The following MINDY4 variants were observed in gnomAD, a reference collection of about 807,000 sequenced individuals.
MINDY4 encodes probable ubiquitin carboxyl-terminal hydrolase MINDY-4.
In MINDY4, 68 loss-of-function variants were observed where a neutral mutation model predicts 87.0. The ratio of observed to expected loss-of-function variants is 0.78; its 90% confidence interval spans 0.64 to 0.96. The LOEUF (loss-of-function observed/expected upper bound fraction) is 0.96. MINDY4 is among the 40% of genes least tolerant of loss of function. The pLI is 0.00. For synonymous variants in MINDY4, 379 were observed against 363.2 expected, an observed-to-expected ratio of 1.04 and a Z score of -0.50; for missense variants, 919 against 928.2, an observed-to-expected ratio of 0.99 and a Z score of 0.13.
chr7:30,817,746 G>T (rs1686656080), intron 5 of MINDY4, among the ~76,000 whole-genome samples: 1 of 152,204 alleles, frequency 6.6e-6, no homozygotes, highest in Non-Finnish European at 1.5e-5. Context: ...CTGTTGCCAG[G>T]TGATGCCAGT....
chr7:30,883,238 G>C (rs1790526581), intron 17 of MINDY4, among the ~76,000 whole-genome samples: 1 of 152,218 alleles, frequency 6.6e-6, no homozygotes, highest in Admixed American at 6.5e-5. Flanking sequence ...ATGGTTGGGG[G>C]TGGGGGCTAA....
At chr7:30,800,350 T>G (rs1787609833) in intron 5 of MINDY4, among the ~76,000 whole-genome samples, 1 of 152,202 alleles carries the variant, frequency 6.6e-6, no homozygotes, top group African/African-American at 2.4e-5. Flanking sequence ...CGAAACTGTT[T>G]CCAGGCTCAG....
At chr7:30,885,915 G>C (rs1239316789) in intron 17 of MINDY4, among the ~76,000 whole-genome samples, 1 of 152,170 alleles carries the variant, frequency 6.6e-6, no homozygotes, top group African/African-American at 2.4e-5. Context: ...CCCCATCATG[G>C]TGGGTCCACC....
intron 10 of MINDY4, among the ~76,000 whole-genome samples, 158 bp downstream of exon 10, chr7:30,850,713 C>T (rs12671536): frequency 0.023 from 3,572 of 152,268 alleles, 102 homozygotes; most frequent in East Asian, 0.11. Context: ...GCTGAGCAGC[C>T]GCAGACTCAG....
At chr7:30,848,297 G>A (rs905992827) in intron 9 of MINDY4, among the ~76,000 whole-genome samples, 4 of 152,368 alleles carry the variant, frequency 2.6e-5, no homozygotes, top group Non-Finnish European at 5.9e-5. Flanking sequence ...ATGTGCAATG[G>A]TGATTGGACG....
chr7:30,835,606 G>A (rs1045869912), intron 6 of MINDY4, among the ~76,000 whole-genome samples: 20 of 152,200 alleles, frequency 1.3e-4, no homozygotes, highest in Admixed American at 5.9e-4. Context: ...TGGCTGGGTC[G>A]CCCTGGGGAG....
intron 12 of MINDY4, chr7:30,858,899 G>A (rs960230768): frequency 4.2e-6 from 2 of 475,278 alleles, no homozygotes; most frequent in Non-Finnish European, 8.2e-6. Context: ...AGTAATCATA[G>A]TACTGTCCCC....
intron 6 of MINDY4, among the ~76,000 whole-genome samples, chr7:30,829,578 C>CT (rs1788633941): frequency 6.6e-6 from 1 of 152,180 alleles, no homozygotes; most frequent in Non-Finnish European, 1.5e-5. Flanking sequence ...GAGGTGTAGT[C>CT]TGACAGTTTG....
In MINDY4 at chr7:30,860,318, T is replaced by TG. The variant is rs1452080568; in HGVS notation, c.1745+999dup. Among the ~76,000 whole-genome samples the TG allele has an allele frequency of 3.9e-5, 6 of 152,202 alleles. No homozygotes were observed. In the East Asian group the frequency reaches 9.7e-4, roughly 25 times the overall value. On this transcript the variant is annotated intron_variant, in intron 13 of 17. Transcript: ENST00000265299. ...CTGCTGTGGATTCGGGGGAGGACAGTGGGGGCTCTGTGGCCTCGTGCGCCA... is the reference window on the plus strand; with the variant it reads ...CTGCTGTGGATTCGGGGGAGGACAGTGGGGGGCTCTGTGGCCTCGTGCGCCA...
At chr7:30,819,011 A>G (rs1788244628) in intron 5 of MINDY4, among the ~76,000 whole-genome samples, 1 of 152,136 alleles carries the variant, frequency 6.6e-6, no homozygotes, top group Admixed American at 6.6e-5. Context: ...AATCTTTTAA[A>G]AGAATCGGTT....
intron 5 of MINDY4, among the ~76,000 whole-genome samples, chr7:30,820,143 C>T (rs1437212582): frequency 5.9e-5 from 9 of 151,740 alleles, no homozygotes; most frequent in African/African-American, 1.7e-4. Context: ...CCTCGTGATC[C>T]GCCCGCCTCG....
rs151099522 is a variant in MINDY4, at chr7:30,816,980, ATAGT to A, written c.1074-11694_1074-11691del. On this transcript the variant is annotated intron_variant, in intron 5 of 17. Coordinates refer to ENST00000265299, the MANE Select transcript of MINDY4 (RefSeq NM_032222.3). ...TCTGTTAAAATTGCTACACATTGTG[ATAGT>A]TAGTGCACGCGATGACTTCTCGATA... Among the ~76,000 whole-genome samples the A allele has an allele frequency of 3.3e-3, 501 of 152,336 alleles. 2 individuals carry two copies. Among genetic ancestry groups the A allele is most frequent in the African/African-American group, 0.011 (475 of 41,572 alleles).
At chr7:30,890,624 C>T (rs1227312203) in intron 17 of MINDY4, among the ~76,000 whole-genome samples, 7 of 152,108 alleles carry the variant, frequency 4.6e-5, no homozygotes, top group African/African-American at 9.7e-5. Flanking sequence ...GTTGGAAGAA[C>T]GGAGTGAATA....
chr7:30,846,795 G>A (rs1175790343), intron 9 of MINDY4, among the ~76,000 whole-genome samples: 1 of 152,172 alleles, frequency 6.6e-6, no homozygotes, highest in African/African-American at 2.4e-5. Context: ...TATGATTCAA[G>A]TGCATTACAT....
At chr7:30,865,956 C>T (rs1789921271) in intron 13 of MINDY4, among the ~76,000 whole-genome samples, 1 of 152,236 alleles carries the variant, frequency 6.6e-6, no homozygotes, top group Non-Finnish European at 1.5e-5. Context: ...CCCATACCAG[C>T]TGGGTGCTTG....
At chr7:30,832,771 G>A (rs1788743976) in intron 6 of MINDY4, among the ~76,000 whole-genome samples, 1 of 152,114 alleles carries the variant, frequency 6.6e-6, no homozygotes. Context: ...GCCTCCCAAA[G>A]TGTTGGGATT....
Position 30,785,889 on chromosome 7 carries a change from C to T in MINDY4, c.560C>T (p.Ser187Leu), listed in dbSNP as rs138639794. The change falls in exon 4 of 18, where the codon TCG becomes TTG. Residue 187 changes from serine to leucine, a missense_variant. Coordinates refer to ENST00000265299, the MANE Select transcript of MINDY4 (RefSeq NM_032222.3). ...TGGGAGAAGATAGACAAGCTTCACT[C>T]GGAGCCTTCCTTGGATGTGAAGAGG... The part of the protein sequence containing the change: ...SAWEKIDKLH[S>L]EPSLDVKRMG... 27 of 1,614,186 alleles carry T rather than the reference C, an allele frequency of 1.7e-5. No homozygotes were observed. The highest frequency in any genetic ancestry group is 6.7e-5 in the East Asian group (3 of 44,882).
chr7:30,788,504 C>T (rs534237174), intron 4 of MINDY4, among the ~76,000 whole-genome samples: 2 of 152,132 alleles, frequency 1.3e-5, no homozygotes, highest in Admixed American at 1.3e-4. Context: ...ATTGATGTCA[C>T]CCCCAGCTCA....
At chr7:30,842,695 G>A (rs1789078451) in intron 9 of MINDY4, among the ~76,000 whole-genome samples, 1 of 152,222 alleles carries the variant, frequency 6.6e-6, no homozygotes, top group Middle Eastern at 3.2e-3. Flanking sequence ...TGGACATGAA[G>A]TGGCTCAGGG....
Sources: allele counts gnomAD v4.1 joint callset (sites outside exome capture counted in the v4.1 genomes callset), GRCh38; gene constraint gnomAD v4.1.1; transcripts MANE v1.5; gene names NCBI Gene and HGNC (gene_info 2026-07-23, HGNC 2026-07-21).